The following TCF25 variants were observed in gnomAD, a reference collection of about 807,000 sequenced individuals.
The protein encoded by TCF25 is TCF25 ribosome quality control complex subunit, also known as ribosome quality control complex subunit TCF25.
A neutral mutation model predicts 83.1 loss-of-function variants in TCF25; 41 were observed. The ratio of observed to expected loss-of-function variants is 0.49; its 90% CI spans 0.38 to 0.64. The LOEUF is 0.64. Ranked by LOEUF, TCF25 falls within the 30% of genes least tolerant of loss-of-function variation. The probability of loss-of-function intolerance (pLI) is 0.00; values close to 1 mark genes in which losing one functional copy is unlikely to be tolerated. For missense variants in TCF25, 979 were observed against 914.5 expected, an observed-to-expected ratio of 1.07 and a Z score of -0.91; for synonymous variants, 458 against 365.0, an observed-to-expected ratio of 1.25 and a Z score of -2.90.
At chr16:89,889,979 C>G (rs888346530) in intron 5 of TCF25, 4 of 152,166 alleles carry the variant, frequency 2.6e-5, no homozygotes, top group African/African-American at 9.7e-5. Context: ...AAACGATTCT[C>G]CTGCCTCAGC....
chr16:89,907,477 CCA>C, intron 16 of TCF25, among the ~76,000 whole-genome samples, 155 bp downstream of exon 16: 1 of 142,726 alleles, frequency 7.0e-6, no homozygotes, highest in Non-Finnish European at 1.5e-5. Flanking sequence ...CTCCCACCTC[CCA>C]CCTCCCAGCT....
chr16:89,880,757 C>T (rs1308366978), intron 1 of TCF25, among the ~76,000 whole-genome samples: 1 of 152,178 alleles, frequency 6.6e-6, no homozygotes, highest in African/African-American at 2.4e-5. Context: ...CCCAGCTTCA[C>T]TAAGAGACAT....
At chr16:89,909,253 T>A in intron 16 of TCF25, 1 of 884,600 alleles carries the variant, frequency 1.1e-6, no homozygotes. Flanking sequence ...GACTCACGCC[T>A]GTAATTCCAG....
At chr16:89,905,663 G>A (rs1006556151) in intron 14 of TCF25, among the ~76,000 whole-genome samples, 4 of 152,224 alleles carry the variant, frequency 2.6e-5, no homozygotes, top group Non-Finnish European at 5.9e-5. Context: ...TCTGTGTGCC[G>A]CGGACATGAG....
At chr16:89,901,445 C>G (rs8054092) in intron 12 of TCF25, among the ~76,000 whole-genome samples, 7,587 of 150,214 alleles carry the variant, frequency 0.051, 43 homozygotes, top group African/African-American at 0.14. Context: ...GGTGAAATCC[C>G]TCCTTAAGAC....
chr16:89,873,605 C>G lies in TCF25; in HGVS notation c.-63C>G. 1.5e-6 allele frequency: 2 copies of G among 1,363,816 alleles called. No homozygotes were observed. The highest frequency in any genetic ancestry group is 1.9e-6 in the Non-Finnish European group (2 of 1,054,054). 84.5% of individuals were successfully genotyped at this position (1,363,816 alleles called of 1,614,324 possible). On this transcript the variant is annotated 5_prime_UTR_variant, in exon 1 of 18. Transcript: ENST00000263346. ...CCCGCGCGAAGAGTGCGCAGGCGCGCCGACAGCCGAGTTTTCTGCGCTTCC... is the reference window on the plus strand; with the variant it reads ...CCCGCGCGAAGAGTGCGCAGGCGCGGCGACAGCCGAGTTTTCTGCGCTTCC...
intron 13 of TCF25, chr16:89,904,454 G>A (rs934513257): frequency 1.8e-5 from 10 of 564,706 alleles, no homozygotes; most frequent in South Asian, 1.2e-4. Context: ...GGTGCCAGGC[G>A]TGGCGGCACA....
chr16:89,910,524 T>G, intron 16 of TCF25, 67 bp from the exon 17 acceptor site: 4 of 1,563,262 alleles, frequency 2.6e-6, no homozygotes, highest in Non-Finnish European at 3.5e-6. Flanking sequence ...GGCAGCCCCG[T>G]GAGCCGGGTT....
intron 8 of TCF25, among the ~76,000 whole-genome samples, chr16:89,895,601 T>C (rs1283352914): frequency 1.3e-5 from 2 of 152,264 alleles, no homozygotes; most frequent in African/African-American, 2.4e-5. Context: ...AATACTCCAC[T>C]GTGTGGACGG....
At chr16:89,894,879 A>G in intron 7 of TCF25, 159 bp from the exon 8 acceptor site, 1 of 545,500 alleles carries the variant, frequency 1.8e-6, no homozygotes, top group South Asian at 2.1e-5. Flanking sequence ...TCCTGATATC[A>G]AGTGATCCTC....
chr16:89,907,143 C>T, intron 15 of TCF25, 100 bp from the exon 16 acceptor site: 5 of 1,147,730 alleles, frequency 4.4e-6, no homozygotes, highest in Non-Finnish European at 6.5e-6. Flanking sequence ...TCAGCAGATG[C>T]ATCCAGTCCA....
chr16:89,908,219 G>T (rs1394955526), intron 16 of TCF25, among the ~76,000 whole-genome samples: 5 of 22,480 alleles, frequency 2.2e-4, no homozygotes, highest in Admixed American at 5.1e-4. Context: ...TTCCAACCCC[G>T]CCTCCCTCCT....
Position 89,905,115 on chromosome 16 carries a change from C to G in TCF25, c.1628+19C>G. 6.4e-7 allele frequency: 1 copy of G among 1,558,354 alleles called. No individual in the cohort carries two copies. On this transcript the variant is annotated intron_variant, in intron 14 of 17. Transcript: ENST00000263346. ...AGAACCGGTGAGCTAGGGGTTGACACAAGCCCTGCCACGCCCCCTCCTCAG... is the reference window on the plus strand; with the variant it reads ...AGAACCGGTGAGCTAGGGGTTGACAGAAGCCCTGCCACGCCCCCTCCTCAG...
intron 5 of TCF25, among the ~76,000 whole-genome samples, chr16:89,888,413 C>A (rs2043175841): frequency 6.6e-6 from 1 of 151,906 alleles, no homozygotes; most frequent in African/African-American, 2.4e-5. Flanking sequence ...CATGGAGAAA[C>A]CCCGTCTCTA....
chr16:89,911,276 T>C lies in TCF25; in HGVS notation c.*38T>C. ...GTGACCGAAAAGCCGTATGATGATG[T>C]TCCCGATTTCTCTGTTGGTCGGAGT... On this transcript the variant is annotated 3_prime_UTR_variant, in exon 18 of 18. Coordinates refer to ENST00000263346, the MANE Select transcript of TCF25 (RefSeq NM_014972.3). The C allele has an allele frequency of 6.2e-7, 1 of 1,603,144 alleles. No individual in the cohort carries two copies. The highest frequency in any genetic ancestry group is 8.5e-7 in the Non-Finnish European group (1 of 1,172,414).
chr16:89,889,248 G>C (rs776691921), intron 5 of TCF25: 3 of 399,594 alleles, frequency 7.5e-6, no homozygotes, highest in African/African-American at 2.1e-5. Context: ...TTGCTGGGTT[G>C]TCCAGTCTGG....
intron 6 of TCF25, 28 bp downstream of exon 6, chr16:89,892,303 T>C: frequency 5.1e-6 from 8 of 1,577,870 alleles, no homozygotes; most frequent in Non-Finnish European, 6.9e-6. Flanking sequence ...CTGCTGGGGA[T>C]GGAGGGTTGG....
In TCF25 at chr16:89,895,145, A is replaced by G. The variant is rs745550051; in HGVS notation, c.928+8A>G. ...TGGCTCGAGACCTCGTAGGTAAGGCAGAGCCCCCACCCCATTCCCCTCAGC... is the reference window on the plus strand; with the variant it reads ...TGGCTCGAGACCTCGTAGGTAAGGCGGAGCCCCCACCCCATTCCCCTCAGC... On this transcript the variant is annotated splice_region_variant and intron_variant, in intron 8 of 17. Coordinates refer to ENST00000263346, the MANE Select transcript of TCF25 (RefSeq NM_014972.3). The G allele has an allele frequency of 6.8e-6, 11 of 1,611,038 alleles. No individual in the cohort carries two copies. Among genetic ancestry groups the G allele is most frequent in the Admixed American group, 5.0e-5 (3 of 59,900 alleles).
chr16:89,883,687 G>A, intron 2 of TCF25, 175 bp downstream of exon 2: 1 of 727,714 alleles, frequency 1.4e-6, no homozygotes, highest in African/African-American at 1.8e-5. Context: ...TGCATGAAAT[G>A]AGTGAAGGTC....
Sources: allele counts gnomAD v4.1 joint callset (sites outside exome capture counted in the v4.1 genomes callset), GRCh38; gene constraint gnomAD v4.1.1; transcripts MANE v1.5; gene names NCBI Gene and HGNC (gene_info 2026-07-23, HGNC 2026-07-21).